Variants in PARN observed in about 807,000 individuals in gnomAD.
PARN encodes poly(A)-specific ribonuclease.
PARN carries 71 observed loss-of-function variants against 102.8 expected under a neutral mutation model. That is an observed-to-expected ratio of 0.69 (90% CI 0.57 to 0.84). The LOEUF is 0.84. Ranked by LOEUF, PARN falls within the 40% of genes least tolerant of loss-of-function variation. The pLI, the probability that PARN is intolerant of heterozygous loss-of-function variation, is 0.00. For synonymous variants in PARN, 261 were observed against 252.9 expected, an observed-to-expected ratio of 1.03 and a Z score of -0.30; for missense variants, 782 against 760.9, an observed-to-expected ratio of 1.03 and a Z score of -0.33.
At chr16:14,596,470 C>T (rs377213652) in intron 12 of PARN, among the ~76,000 whole-genome samples, 5 of 151,916 alleles carry the variant, frequency 3.3e-5, no homozygotes, top group African/African-American at 7.3e-5. Context: ...TGTGGTGGCT[C>T]GTGCCTATAA....
At chr16:14,556,051 T>A (rs1967665347) in intron 18 of PARN, among the ~76,000 whole-genome samples, 1 of 151,960 alleles carries the variant, frequency 6.6e-6, no homozygotes, top group African/African-American at 2.4e-5. Context: ...GCCAGGCTGG[T>A]CTTGAACTCC....
chr16:14,440,712 A>C (rs1960905673), intron 23 of PARN, among the ~76,000 whole-genome samples: 2 of 152,244 alleles, frequency 1.3e-5, no homozygotes, highest in South Asian at 4.1e-4. Flanking sequence ...CACAAATCAC[A>C]AATGCATCAT....
chr16:14,501,745 T>C (rs976347597), intron 21 of PARN: 9 of 152,174 alleles, frequency 5.9e-5, no homozygotes, highest in African/African-American at 2.2e-4. Flanking sequence ...CTGGCCCTCC[T>C]CCCCAGCACA....
intron 17 of PARN, among the ~76,000 whole-genome samples, chr16:14,581,678 G>T (rs1216071317): frequency 1.3e-5 from 2 of 152,138 alleles, no homozygotes. Context: ...CCAGCACTTT[G>T]GGAGGCTGAG....
At chr16:14,578,717 A>T (rs765294165) in intron 18 of PARN, 5 of 152,186 alleles carry the variant, frequency 3.3e-5, no homozygotes, top group Non-Finnish European at 5.9e-5. Context: ...TTGCAGGAAT[A>T]TTTTTCCTTT....
chr16:14,628,330 TATA>T, intron 2 of PARN, 79 bp from the exon 3 acceptor site: 3 of 756,900 alleles, frequency 4.0e-6, no homozygotes, highest in Non-Finnish European at 6.8e-6. Flanking sequence ...TCAGTGCCTC[TATA>T]ATGTCGTATC....
intron 22 of PARN, among the ~76,000 whole-genome samples, chr16:14,468,165 T>C (rs1365048326): frequency 6.6e-6 from 1 of 152,178 alleles, no homozygotes; most frequent in Non-Finnish European, 1.5e-5. Context: ...GTAAAGAGCA[T>C]GAATGGGATT....
intron 12 of PARN, among the ~76,000 whole-genome samples, chr16:14,598,634 C>T (rs1432728230): frequency 1.3e-5 from 2 of 152,182 alleles, no homozygotes; most frequent in East Asian, 1.9e-4. Context: ...TGTTTCTCTC[C>T]GGATCTTTCC....
chr16:14,535,124 G>A (rs145844873), intron 21 of PARN, among the ~76,000 whole-genome samples: 37 of 152,208 alleles, frequency 2.4e-4, no homozygotes, highest in Non-Finnish European at 3.8e-4. Context: ...GTGAGCCATC[G>A]CACCCTGGCT....
At chr16:14,561,661 T>A (rs1000914310) in intron 18 of PARN, among the ~76,000 whole-genome samples, 1 of 152,116 alleles carries the variant, frequency 6.6e-6, no homozygotes, top group African/African-American at 2.4e-5. Context: ...AAAAGTAAAT[T>A]AGCCGGGCAA....
intron 18 of PARN, among the ~76,000 whole-genome samples, chr16:14,573,159 G>C (rs1385052894): frequency 6.6e-6 from 1 of 151,982 alleles, no homozygotes; most frequent in East Asian, 1.9e-4. Flanking sequence ...AGGATTATAG[G>C]CATGAGCCAC....
chr16:14,517,975 A>G (rs112842925), intron 21 of PARN, among the ~76,000 whole-genome samples: 3 of 152,234 alleles, frequency 2.0e-5, no homozygotes, highest in Non-Finnish European at 4.4e-5. Context: ...CCAAAAGGAT[A>G]TATTTTCAAA....
intron 18 of PARN, among the ~76,000 whole-genome samples, chr16:14,575,669 T>A (rs186934723): frequency 6.6e-6 from 1 of 151,842 alleles, no homozygotes; most frequent in African/African-American, 2.4e-5. Flanking sequence ...CAAATGAGAG[T>A]TTGGACTGTG....
At position 14,435,834 on chromosome 16, in the gene PARN, G is replaced by C. The variant is rs1425277676; in HGVS notation, c.*883C>G. 1 of 151,702 alleles carries C rather than the reference G, an allele frequency of 6.6e-6. No individual in the cohort carries two copies. The highest frequency in any genetic ancestry group is 2.4e-5 in the African/African-American group (1 of 41,246). The allele number at this position is 151,702 out of a possible 1,614,324, so 9.4% of individuals were successfully genotyped here. On this transcript the variant is annotated 3_prime_UTR_variant, in exon 24 of 24. Transcript: ENST00000437198. Reference sequence around the variant, plus strand: ...GAGCAAAGCAGCGCCATGAGCGTTTGTCGTTGCTGTGATCTGTTTCAACGG... The same window carrying C: ...GAGCAAAGCAGCGCCATGAGCGTTTCTCGTTGCTGTGATCTGTTTCAACGG...
At chr16:14,593,430 G>A in intron 12 of PARN, 52 bp from the exon 13 acceptor site, 1 of 789,814 alleles carries the variant, frequency 1.3e-6, no homozygotes, top group Non-Finnish European at 2.2e-6. Context: ...AATTATACTG[G>A]GGTTTCAGAA....
intron 11 of PARN, among the ~76,000 whole-genome samples, chr16:14,601,545 T>G (rs1243903110): frequency 1.3e-5 from 2 of 152,196 alleles, no homozygotes; most frequent in Non-Finnish European, 2.9e-5. Context: ...TGCACAGCAA[T>G]GTTAAACTAC....
chr16:14,629,836 G>C (rs1368606175), intron 1 of PARN, among the ~76,000 whole-genome samples, 162 bp from the exon 2 acceptor site: 1 of 152,224 alleles, frequency 6.6e-6, no homozygotes, highest in Non-Finnish European at 1.5e-5. Flanking sequence ...GGGGTGCATG[G>C]GTCAGGGGGG....
intron 22 of PARN, among the ~76,000 whole-genome samples, chr16:14,481,885 T>C (rs948952737): frequency 6.6e-6 from 1 of 152,204 alleles, no homozygotes; most frequent in Admixed American, 6.5e-5. Context: ...GGGAGGATTA[T>C]GGGTGATAAA....
intron 21 of PARN, among the ~76,000 whole-genome samples, chr16:14,535,480 G>C (rs977987197): frequency 6.6e-6 from 1 of 152,162 alleles, no homozygotes; most frequent in African/African-American, 2.4e-5. Context: ...ATGTTTAATA[G>C]ATTCTTTTTC....
Sources: gnomAD v4.1 joint callset for allele counts (sites outside exome capture counted in the v4.1 genomes callset) on GRCh38, gnomAD v4.1.1 for gene constraint, MANE v1.5 for transcripts, NCBI Gene and HGNC (gene_info 2026-07-23, HGNC 2026-07-21) for gene names.